The following LARP4B variants were observed in gnomAD, a reference collection of about 807,000 sequenced individuals.
LARP4B encodes the protein la-related protein 4B.
In LARP4B, 12 loss-of-function variants were observed where a neutral mutation model predicts 89.8. The ratio of observed to expected loss-of-function variants is 0.13; its 90% CI spans 0.09 to 0.22. LARP4B has a LOEUF of 0.22. LARP4B is among the 10% of genes least tolerant of loss of function. LARP4B has a pLI of 1.00. For synonymous variants in LARP4B, 367 were observed against 363.3 expected (o/e 1.01, Z -0.12); for missense variants, 757 against 947.7 (o/e 0.80, Z 2.64).
Position 810,934 on chromosome 10 carries a change from G to GT in LARP4B, c.*1991dup, listed in dbSNP as rs1831724450. 2 of 152,158 alleles carry GT rather than the reference G, an allele frequency of 1.3e-5. No individual in the cohort carries two copies. Among genetic ancestry groups the GT allele is most frequent in the African/African-American group, 2.4e-5 (1 of 41,432 alleles). The allele number at this position is 152,158 out of a possible 1,614,324, so 9.4% of individuals were successfully genotyped here. On this transcript the variant is annotated 3_prime_UTR_variant, in exon 18 of 18. Coordinates refer to ENST00000316157, the MANE Select transcript of LARP4B (RefSeq NM_015155.3). ...TTAAAGGAAATGGTCAAATAGGCAT[G>GT]TTTTCCTCTGGCAGGGTCAATCATG...
chr10:950,540 G>C, the LARP4B span, among the ~76,000 whole-genome samples: 1 of 152,054 alleles, frequency 6.6e-6, no homozygotes, highest in Non-Finnish European at 1.5e-5. Context: ...CATGACATTT[G>C]CTGGCATTTC....
chr10:932,439 T>G (rs1252868895), upstream of LARP4B, among the ~76,000 whole-genome samples: 1 of 10,916 alleles, frequency 9.2e-5, no homozygotes, highest in African/African-American at 4.2e-4. Context: ...TGCCCAGAAC[T>G]CCCACCCCAC....
rs1832400279 is a variant in LARP4B at position 822,397 on chromosome 10, G to A, written c.1485-1552C>T. On this transcript the variant is annotated intron_variant, in intron 13 of 17. Transcript: ENST00000316157. The surrounding 1 kb of genome is among the most constrained non-coding windows in gnomAD (Gnocchi z 4.6). Reference sequence around the variant, plus strand: ...CAAGGGCAGCCTGCTCGTCACTACCGGCTGGGACGCAGGGGCACCCATCCC... The same window carrying A: ...CAAGGGCAGCCTGCTCGTCACTACCAGCTGGGACGCAGGGGCACCCATCCC... Among the ~76,000 whole-genome samples the A allele has an allele frequency of 2.0e-5, 3 of 152,186 alleles. No homozygotes were observed. Among genetic ancestry groups the A allele is most frequent in the Admixed American group, 1.3e-4 (2 of 15,288 alleles).
intron 5 of LARP4B, among the ~76,000 whole-genome samples, chr10:857,884 T>C (rs1834391086): frequency 6.6e-6 from 1 of 152,124 alleles, no homozygotes; most frequent in Non-Finnish European, 1.5e-5. Flanking sequence ...AAATTAGAAT[T>C]GTAAATTTAA....
intron 3 of LARP4B, among the ~76,000 whole-genome samples, chr10:875,463 G>A (rs955192846): frequency 6.6e-6 from 1 of 152,126 alleles, no homozygotes; most frequent in Admixed American, 6.6e-5. Flanking sequence ...ACCAATGCCA[G>A]CACACTGCCT....
At chr10:939,596 C>G in the LARP4B span, among the ~76,000 whole-genome samples, 1 of 151,870 alleles carries the variant, frequency 6.6e-6, no homozygotes, top group Non-Finnish European at 1.5e-5. Context: ...TACACAGCAC[C>G]CGTCTACACA....
intron 1 of LARP4B, among the ~76,000 whole-genome samples, chr10:902,288 A>G (rs567988795): frequency 6.6e-6 from 1 of 152,346 alleles, no homozygotes; most frequent in African/African-American, 2.4e-5. Context: ...TCTGAACCAA[A>G]TGCACAGAAC....
At position 812,187 on chromosome 10, in the gene LARP4B, T is replaced by C. The variant is rs1280519782; in HGVS notation, c.*739A>G. The C allele has an allele frequency of 6.5e-6, 1 of 152,706 alleles. No homozygotes were observed. The highest frequency in any genetic ancestry group is 1.5e-5 in the Non-Finnish European group (1 of 68,046). The allele number at this position is 152,706 out of a possible 1,614,324, so 9.5% of individuals were successfully genotyped here. On this transcript the variant is annotated 3_prime_UTR_variant, in exon 18 of 18. Coordinates refer to ENST00000316157, the MANE Select transcript of LARP4B (RefSeq NM_015155.3). ...ACATGTCAGTGGGCAACAAAGTGTA[T>C]GTTTTCATGTAGGTTCTATTCACAA...
At chr10:835,926 C>T (rs1833191895) in intron 8 of LARP4B, among the ~76,000 whole-genome samples, 1 of 150,230 alleles carries the variant, frequency 6.7e-6, no homozygotes, top group African/African-American at 2.4e-5. Context: ...GAGCAAGACT[C>T]CATCTCAAAA....
chr10:978,198 T>G, the LARP4B span, among the ~76,000 whole-genome samples: 10 of 152,192 alleles, frequency 6.6e-5, no homozygotes, highest in Non-Finnish European at 1.5e-4. Flanking sequence ...TGCTCATTCC[T>G]TCATTTTATT....
At chr10:851,933 G>A (rs1834073884) in intron 5 of LARP4B, among the ~76,000 whole-genome samples, 2 of 152,120 alleles carry the variant, frequency 1.3e-5, no homozygotes. Flanking sequence ...AGGCGTGGTG[G>A]TGTGCTACTG....
chr10:966,448 CCT>C, the LARP4B span, among the ~76,000 whole-genome samples: 1 of 152,122 alleles, frequency 6.6e-6, no homozygotes, highest in African/African-American at 2.4e-5. Flanking sequence ...AGAGCCAGAC[CCT>C]GTCTCGATAA....
rs1280713268 is a variant in LARP4B at position 822,418 on chromosome 10, A to G, written c.1485-1573T>C. On this transcript the variant is annotated intron_variant, in intron 13 of 17. Coordinates refer to ENST00000316157, the MANE Select transcript of LARP4B (RefSeq NM_015155.3). The surrounding 1 kb of genome is among the most constrained non-coding windows in gnomAD (Gnocchi z 4.6). Reference sequence around the variant, plus strand: ...TACCGGCTGGGACGCAGGGGCACCCATCCCTTGGAACACAGCGGTGTCCAG... The same window carrying G: ...TACCGGCTGGGACGCAGGGGCACCCGTCCCTTGGAACACAGCGGTGTCCAG... Among the ~76,000 whole-genome samples, 2 of 152,180 alleles carry G rather than the reference A, an allele frequency of 1.3e-5. No individual in the cohort carries two copies. Among genetic ancestry groups the G allele is most frequent in the African/African-American group, 4.8e-5 (2 of 41,458 alleles).
chr10:985,609 C>A, the LARP4B span: 1 of 152,218 alleles, frequency 6.6e-6, no homozygotes, highest in Non-Finnish European at 1.5e-5. Context: ...TTGCTGCCTT[C>A]CACCTAAGGA....
the LARP4B span, among the ~76,000 whole-genome samples, chr10:959,934 C>CCTCAATCCCACCTCCTT: frequency 6.6e-6 from 1 of 150,994 alleles, no homozygotes; most frequent in African/African-American, 2.5e-5. Context: ...CCCACCTCCT[C>CCTCAATCCCACCTCCTT]GTCAATCCCA....
rs1375125088 is a variant in LARP4B at position 829,512 on chromosome 10, G to C, written c.998C>G (p.Ala333Gly). Residue 333 changes from alanine (A) to glycine (G), a missense_variant, in exon 11 of 18, where the codon GCC becomes GGC. Physicochemically the swap from Ala to Gly is moderately conservative, Grantham distance 60. Coordinates refer to ENST00000316157, the MANE Select transcript of LARP4B (RefSeq NM_015155.3). ...GFRPLDVSLY[A>G]QQRYATSFYF... ...GAACGACGTCGCGTAGCGCTGCTGG[G>C]CATACAGGCTCACGTCCAGGGGTCT... 1.1e-5 allele frequency: 18 copies of C among 1,614,046 alleles called. No individual in the cohort carries two copies. The highest frequency in any genetic ancestry group is 3.3e-5 in the Admixed American group (2 of 60,006).
At chr10:828,713 C>T (rs1832746630) in intron 11 of LARP4B, among the ~76,000 whole-genome samples, 1 of 152,208 alleles carries the variant, frequency 6.6e-6, no homozygotes, top group Non-Finnish European at 1.5e-5. Context: ...CTCATGCAAA[C>T]CTCTAGGCCA....
chr10:916,989 C>T (rs761869013), intron 1 of LARP4B, among the ~76,000 whole-genome samples: 12 of 152,082 alleles, frequency 7.9e-5, no homozygotes, highest in African/African-American at 2.2e-4. Flanking sequence ...TGAGCCACTG[C>T]GCCAGGTGGT....
At chr10:987,688 A>G in the LARP4B span, 1 of 152,162 alleles carries the variant, frequency 6.6e-6, no homozygotes, top group South Asian at 2.1e-4. Flanking sequence ...GGGAGCGGCC[A>G]CTCTATTCAC....
Sources: allele counts gnomAD v4.1 joint callset (sites outside exome capture counted in the v4.1 genomes callset), GRCh38; gene constraint gnomAD v4.1.1; non-coding constraint Gnocchi (gnomAD v3.1); transcripts MANE v1.5; gene names NCBI Gene and HGNC (gene_info 2026-07-23, HGNC 2026-07-21).